The following PROS1 variants were observed in gnomAD, a reference collection of about 807,000 sequenced individuals.
PROS1 encodes protein S.
Under a neutral mutation model 75.9 loss-of-function variants are expected in PROS1, and 29 were observed. The observed-to-expected ratio is 0.38, with a 90% CI of 0.28 to 0.52. The LOEUF (loss-of-function observed/expected upper bound fraction) is 0.52. Ranked by LOEUF, PROS1 falls within the 20% of genes least tolerant of loss-of-function variation. The pLI is 0.83. For missense variants in PROS1, 680 were observed against 810.3 expected, an observed-to-expected ratio of 0.84 and a Z score of 1.95; for synonymous variants, 245 against 280.6, an observed-to-expected ratio of 0.87 and a Z score of 1.27.
intron 10 of PROS1, among the ~76,000 whole-genome samples, chr3:93,889,109 G>T (rs1027828064): frequency 6.6e-6 from 1 of 151,998 alleles, no homozygotes; most frequent in Non-Finnish European, 1.5e-5. Flanking sequence ...CTCATGACAT[G>T]TGCTCTCAAG....
intron 1 of PROS1, among the ~76,000 whole-genome samples, chr3:93,962,315 T>A (rs1416454662): frequency 6.6e-6 from 1 of 152,154 alleles, no homozygotes; most frequent in Non-Finnish European, 1.5e-5. Flanking sequence ...AAACTCCCTA[T>A]ACTAGCAAAT....
At chr3:93,889,735 T>C (rs986659300) in intron 10 of PROS1, among the ~76,000 whole-genome samples, 1 of 152,218 alleles carries the variant, frequency 6.6e-6, no homozygotes, top group Non-Finnish European at 1.5e-5. Flanking sequence ...TTCTTACACC[T>C]GTCTTACTTT....
chr3:93,960,551 T>C (rs1177005405), intron 1 of PROS1, among the ~76,000 whole-genome samples: 3 of 145,852 alleles, frequency 2.1e-5, no homozygotes, highest in East Asian at 2.0e-4. Flanking sequence ...TTTTTTTTTT[T>C]TTTTTTTTTT....
At chr3:93,903,261 G>A (rs999986975) in intron 6 of PROS1, among the ~76,000 whole-genome samples, 9 of 152,156 alleles carry the variant, frequency 5.9e-5, no homozygotes, top group Non-Finnish European at 1.0e-4. Context: ...AAGAACAGAT[G>A]TGGTCATCAG....
At chr3:93,973,611 C>T (rs1440484400) in intron 1 of PROS1, 63 bp downstream of exon 1, 1 of 1,554,624 alleles carries the variant, frequency 6.4e-7, no homozygotes, top group African/African-American at 1.4e-5. Flanking sequence ...ATCCTACCAA[C>T]CAGGGCACGC....
chr3:93,919,107 C>T (rs1461962246), intron 3 of PROS1, among the ~76,000 whole-genome samples: 3 of 152,158 alleles, frequency 2.0e-5, no homozygotes, highest in African/African-American at 7.2e-5. Context: ...TTACCTCCAA[C>T]TTTCTACCTC....
chr3:93,893,075 A>G lies in PROS1; in HGVS notation c.1013T>C (p.Ile338Thr). 6.2e-7 allele frequency: 1 copy of G among 1,614,130 alleles called. No individual in the cohort carries two copies. The highest frequency in any genetic ancestry group is 8.5e-7 in the Non-Finnish European group (1 of 1,179,994). Residue 338 changes from isoleucine (I) to threonine (T), a missense_variant, in exon 10 of 15, where the codon ATA becomes ACA. Physicochemically the swap from Ile to Thr is moderately conservative, Grantham distance 89 (BLOSUM62 -1). Coordinates refer to ENST00000394236, the MANE Select transcript of PROS1 (RefSeq NM_000313.4). Reference sequence around the variant, plus strand: ...GTGATCGATAGATTCTGCGTACAGTATCACGCCTTCTGAATCATATGTCCG... The same window carrying G: ...GTGATCGATAGATTCTGCGTACAGTGTCACGCCTTCTGAATCATATGTCCG... ...DFRTYDSEGVILYAESIDHSA... is the reference protein window; with the variant it reads ...DFRTYDSEGVTLYAESIDHSA...
intron 6 of PROS1, among the ~76,000 whole-genome samples, chr3:93,904,004 C>A (rs1708635935): frequency 7.2e-6 from 1 of 139,710 alleles, no homozygotes; most frequent in South Asian, 2.3e-4. Context: ...TGTGATATTC[C>A]CCTTCCTGTG....
rs138736792 is a variant in PROS1, at chr3:93,937,910, C to T, written c.77-10503G>A. Among the ~76,000 whole-genome samples, 36 of 152,226 alleles carry T rather than the reference C, an allele frequency of 2.4e-4. No homozygotes were observed. In the East Asian group the frequency reaches 6.2e-3, roughly 26 times the overall value. ...AAGACGCCTACAATGAAAGGAAGAA[C>T]CCTTTTGCCTAAAGAGGCCTCAGAA... On this transcript the variant is annotated intron_variant, in intron 1 of 14. Coordinates refer to ENST00000394236, the MANE Select transcript of PROS1 (RefSeq NM_000313.4).
chr3:93,895,531 G>A (rs1708490946), intron 9 of PROS1, among the ~76,000 whole-genome samples: 1 of 152,112 alleles, frequency 6.6e-6, no homozygotes, highest in Admixed American at 6.5e-5. Flanking sequence ...ATTATTTAAT[G>A]AATAATCATT....
rs142805170 is a variant in PROS1, at chr3:93,910,672, G to A, written c.293C>T (p.Thr98Ile). ...CLRSFQTGLF[T>I]AARQSTNAYP... ...AGCATTAGTTGACTGACGTGCAGCA[G>A]TGAATAACCCAGTTTGAAAAGAGCG... Residue 98 changes from threonine to isoleucine, a missense_variant, in exon 4 of 15, where the codon ACT becomes ATT. By Grantham distance (89) the Thr-to-Ile change is moderately conservative. Transcript: ENST00000394236. The A allele has an allele frequency of 1.2e-6, 2 of 1,613,632 alleles. No individual in the cohort carries two copies. The highest frequency in any genetic ancestry group is 1.7e-6 in the Non-Finnish European group (2 of 1,179,716).
intron 12 of PROS1, among the ~76,000 whole-genome samples, chr3:93,881,601 C>T (rs1708277191): frequency 7.7e-6 from 1 of 129,796 alleles, no homozygotes; most frequent in Non-Finnish European, 1.6e-5. Flanking sequence ...ACTCTGTCAT[C>T]CAGGCTGGAG....
At chr3:93,909,540 C>T (rs768516591) in intron 4 of PROS1, among the ~76,000 whole-genome samples, 1 of 151,592 alleles carries the variant, frequency 6.6e-6, no homozygotes, top group Non-Finnish European at 1.5e-5. Context: ...AAATGACATG[C>T]CATTTGTTTT....
intron 12 of PROS1, 62 bp from the exon 13 acceptor site, chr3:93,879,376 T>A: frequency 3.2e-6 from 5 of 1,552,782 alleles, no homozygotes; most frequent in Non-Finnish European, 4.4e-6. Flanking sequence ...CAGAAGGAAT[T>A]ATTATTAACA....
intron 12 of PROS1, among the ~76,000 whole-genome samples, chr3:93,879,766 A>G (rs1708248979): frequency 1.3e-5 from 2 of 152,214 alleles, no homozygotes; most frequent in African/African-American, 4.8e-5. Context: ...TACATAGGAG[A>G]GTTGGATAGT....
At chr3:93,924,784 C>A (rs1470554923) in intron 2 of PROS1, among the ~76,000 whole-genome samples, 1 of 151,670 alleles carries the variant, frequency 6.6e-6, no homozygotes, top group Non-Finnish European at 1.5e-5. Flanking sequence ...CATCTCAGCC[C>A]CCCAAGTAGC....
At chr3:93,933,402 C>T (rs551531927) in intron 1 of PROS1, among the ~76,000 whole-genome samples, 119 of 151,998 alleles carry the variant, frequency 7.8e-4, no homozygotes, top group African/African-American at 2.8e-3. Flanking sequence ...TAGGGAAACA[C>T]CATCTCTACA....
At chr3:93,954,978 C>G (rs919527053) in intron 1 of PROS1, among the ~76,000 whole-genome samples, 1 of 152,176 alleles carries the variant, frequency 6.6e-6, no homozygotes, top group South Asian at 2.1e-4. Flanking sequence ...ATGAAAAATG[C>G]TCATCATCAC....
intron 1 of PROS1, among the ~76,000 whole-genome samples, chr3:93,941,790 T>A (rs1709292032): frequency 6.6e-6 from 1 of 152,196 alleles, no homozygotes; most frequent in African/African-American, 2.4e-5. Context: ...GCTACTGCCA[T>A]AACACTTTTA....
Sources: allele counts gnomAD v4.1 joint callset (sites outside exome capture counted in the v4.1 genomes callset), GRCh38; gene constraint gnomAD v4.1.1; transcripts MANE v1.5; gene names NCBI Gene and HGNC (gene_info 2026-07-23, HGNC 2026-07-21).